Variants in RPS13 observed in about 807,000 individuals in gnomAD.
The protein encoded by RPS13 is ribosomal protein S13.
A neutral mutation model predicts 24.6 loss-of-function variants in RPS13; 1 was observed. The ratio of observed to expected loss-of-function variants is 0.04; its 90% CI spans 0.01 to 0.19. RPS13 has a LOEUF of 0.19. Among genes scored for constraint, RPS13 ranks in the 10% least tolerant of loss-of-function variants. RPS13 has a pLI of 1.00. For synonymous variants in RPS13, 69 were observed against 65.3 expected, an observed-to-expected ratio of 1.06 and a Z score of -0.27; for missense variants, 88 against 187.4, an observed-to-expected ratio of 0.47 and a Z score of 3.10.
intron 4 of RPS13, 44 bp downstream of exon 4, chr11:17,075,410 T>C: frequency 6.9e-7 from 1 of 1,451,568 alleles, no homozygotes; most frequent in Admixed American, 2.3e-5. Context: ...AAAAATTTAG[T>C]ACAAGCAGTC....
chr11:17,076,803 C>G (rs894453380), intron 3 of RPS13: 21 of 354,760 alleles, frequency 5.9e-5, no homozygotes, highest in African/African-American at 4.4e-4. Flanking sequence ...AAGCCACTTG[C>G]ACGAAGTCAC....
rs772105634 is a variant in RPS13 at position 17,074,481 on chromosome 11, A to G, written c.423-15T>C. The G allele has an allele frequency of 1.1e-5, 17 of 1,606,418 alleles. No individual in the cohort carries two copies. Among genetic ancestry groups the G allele is most frequent in the Middle Eastern group, 1.7e-4 (1 of 6,046 alleles). On this transcript the variant is annotated splice_polypyrimidine_tract_variant and intron_variant, in intron 5 of 5. Transcript: ENST00000525634. ...TAGATGATTCACTGAAAAAGAAAAA[A>G]GGGGAAAGAAAGAAAATCAGGATTA... is the stretch of plus-strand genomic sequence containing the variant.
At chr11:17,077,087 T>C in intron 3 of RPS13, 81 bp downstream of exon 3, 2 of 1,095,730 alleles carry the variant, frequency 1.8e-6, no homozygotes, top group Non-Finnish European at 2.8e-6. Flanking sequence ...TGGCTATTTT[T>C]AAAATAACTT....
At chr11:17,075,800 G>GT in intron 3 of RPS13, 177 bp from the exon 4 acceptor site, 1 of 693,528 alleles carries the variant, frequency 1.4e-6, no homozygotes, top group Non-Finnish European at 2.6e-6. Flanking sequence ...TCCAAGGAAG[G>GT]TTTACCCAAC....
At chr11:17,074,609 T>G (rs1410225929) in intron 5 of RPS13, 143 bp from the exon 6 acceptor site, 9 of 726,914 alleles carry the variant, frequency 1.2e-5, no homozygotes, top group East Asian at 5.4e-5. Flanking sequence ...AACTTCTGAA[T>G]ACCTGAACCA....
chr11:17,076,987 T>C lies in RPS13; in HGVS notation c.151+181A>G, dbSNP rs959943467. On this transcript the variant is annotated intron_variant, in intron 3 of 5. Coordinates refer to ENST00000525634, the MANE Select transcript of RPS13 (RefSeq NM_001017.3). ...CTGGGGTGAAAGCCATGAAGATTTATTTCAAAGTATTGTGGTCAGAATTAA... is the reference window on the plus strand; with the variant it reads ...CTGGGGTGAAAGCCATGAAGATTTACTTCAAAGTATTGTGGTCAGAATTAA... 4 of 600,680 alleles carry C rather than the reference T, an allele frequency of 6.7e-6. No homozygotes were observed. The African/African-American group carries it at 7.4e-5, about 11-fold the overall frequency. The allele number at this position is 600,680 out of a possible 1,614,324, so 37.2% of individuals were successfully genotyped here. A position where few individuals can be genotyped will look rare whatever the true frequency, so the allele number is the denominator to read the frequency against.
At chr11:17,075,760 G>T in intron 3 of RPS13, 137 bp from the exon 4 acceptor site, 1 of 730,956 alleles carries the variant, frequency 1.4e-6, no homozygotes, top group Non-Finnish European at 2.4e-6. Flanking sequence ...AGAAACCAAC[G>T]TGAGAATGCA....
rs1252470037 is a variant in RPS13, at chr11:17,075,136, T to A, written c.383A>T (p.Tyr128Phe). 1.2e-6 allele frequency: 2 copies of A among 1,611,848 alleles called. No individual in the cohort carries two copies. The highest frequency in any genetic ancestry group is 8.5e-7 in the Non-Finnish European group (1 of 1,179,378). The change falls in exon 5 of 6, where the codon TAT (tyrosine) becomes TTT (phenylalanine). Residue 128 changes from tyrosine (Y) to phenylalanine (F), a missense_variant. By Grantham distance (22) the Tyr-to-Phe change is conservative. Transcript: ENST00000525634. ...AGGGAGGACTCGCTTGGTCTTATAA[T>A]ATCGAGCCAAACGGTGAATCCGGCT... ...IESRIHRLAR[Y>F]YKTKRVLPPN...
At position 17,074,469 on chromosome 11, in the gene RPS13, GAAAAAGA is replaced by G. The variant is rs748816109; in HGVS notation, c.423-10_423-4del. 5.0e-6 allele frequency: 8 copies of G among 1,606,760 alleles called. No individual in the cohort carries two copies. The Admixed American group carries it at 1.4e-4, about 27-fold the overall frequency. On this transcript the variant is annotated splice_region_variant and splice_polypyrimidine_tract_variant and intron_variant, in intron 5 of 5. Coordinates refer to ENST00000525634, the MANE Select transcript of RPS13 (RefSeq NM_001017.3). ...GGGCAGAGGCTGTAGATGATTCACT[GAAAAAGA>G]AAAAAGGGGAAAGAAAGAAAATCAG...
intron 3 of RPS13, 199 bp from the exon 4 acceptor site, chr11:17,075,822 C>A: frequency 1.5e-6 from 1 of 675,920 alleles, no homozygotes; most frequent in Non-Finnish European, 2.7e-6. Context: ...CTAAGGAAAA[C>A]CTTTCTGGTG....
At position 17,075,083 on chromosome 11, in the gene RPS13, G is replaced by T; in HGVS notation, c.422+14C>A. The T allele has an allele frequency of 6.5e-7, 1 of 1,546,914 alleles. No individual in the cohort carries two copies. On this transcript the variant is annotated intron_variant, in intron 5 of 5. Coordinates refer to ENST00000525634, the MANE Select transcript of RPS13 (RefSeq NM_001017.3). ...CCTATTCTTGATAACAACGACAAAA[G>T]AGTTGATACTTACTATTTCCAATTG...
At chr11:17,075,906 A>G in intron 3 of RPS13, 1 of 536,422 alleles carries the variant, frequency 1.9e-6, no homozygotes, top group East Asian at 4.3e-5. Flanking sequence ...GATTAATGAG[A>G]TTCCACAGCT....
intron 5 of RPS13, chr11:17,074,782 A>C: frequency 1.5e-6 from 1 of 662,316 alleles, no homozygotes; most frequent in South Asian, 1.5e-5. Context: ...TCCTGGGAGT[A>C]GAGGTATGAA....
Position 17,077,442 on chromosome 11 carries a change from C to A in RPS13, c.59G>T (p.Arg20Leu). 6.2e-7 allele frequency: 1 copy of A among 1,610,640 alleles called. No homozygotes were observed. The highest frequency in any genetic ancestry group is 8.5e-7 in the Non-Finnish European group (1 of 1,178,662). Residue 20 changes from arginine (R) to leucine (L), a missense_variant, in exon 2 of 6, where the codon CGC becomes CTC. By Grantham distance (102) the Arg-to-Leu change is moderately radical. Coordinates refer to ENST00000525634, the MANE Select transcript of RPS13 (RefSeq NM_001017.3). ...CGCGCTACTTACAGTGGGGACGCTGCGTCGATAGGGTAAAGCCGACTGGGA... is the reference window on the plus strand; with the variant it reads ...CGCGCTACTTACAGTGGGGACGCTGAGTCGATAGGGTAAAGCCGACTGGGA... ...GLSQSALPYR[R>L]SVPTWLKLTS...
At chr11:17,075,418 G>A (rs750719769) in intron 4 of RPS13, 36 bp downstream of exon 4, 11 of 1,493,352 alleles carry the variant, frequency 7.4e-6, no homozygotes, top group Non-Finnish European at 9.9e-6. Context: ...AGTACAAGCA[G>A]TCCTACTTAG....
chr11:17,074,919 A>G (rs1848003494), intron 5 of RPS13, among the ~76,000 whole-genome samples, 178 bp downstream of exon 5: 1 of 152,144 alleles, frequency 6.6e-6, no homozygotes, highest in African/African-American at 2.4e-5. Context: ...TCGATTATGT[A>G]TTGCCTGTGG....
intron 3 of RPS13, chr11:17,076,904 G>A (rs529774943): frequency 1.9e-6 from 1 of 521,758 alleles, no homozygotes; most frequent in African/African-American, 1.9e-5. Context: ...TGACAGCTGT[G>A]TGATTTGGGG....
intron 3 of RPS13, 133 bp downstream of exon 3, chr11:17,077,035 G>A (rs1565226644): frequency 4.4e-6 from 3 of 687,416 alleles, no homozygotes; most frequent in Non-Finnish European, 7.9e-6. Context: ...CATGTGAAGT[G>A]CTTACAATGA....
rs778376279 is a variant in RPS13 at position 17,077,463 on chromosome 11, T to A, written c.38A>T (p.Gln13Leu). 6.2e-7 allele frequency: 1 copy of A among 1,613,526 alleles called. No individual in the cohort carries two copies. The highest frequency in any genetic ancestry group is 8.5e-7 in the Non-Finnish European group (1 of 1,179,844). ...GCTGCGTCGATAGGGTAAAGCCGAC[T>A]GGGACAGGCCCTTCCTGGGGAGAGA... ...RMHAPGKGLS[Q>L]SALPYRRSVP... Residue 13 changes from glutamine (Q) to leucine (L), a missense_variant, in exon 2 of 6, where the codon CAG becomes CTG. Coordinates refer to ENST00000525634, the MANE Select transcript of RPS13 (RefSeq NM_001017.3).
Sources: gnomAD v4.1 joint callset for allele counts (sites outside exome capture counted in the v4.1 genomes callset) on GRCh38, gnomAD v4.1.1 for gene constraint, MANE v1.5 for transcripts, NCBI Gene and HGNC (gene_info 2026-07-23, HGNC 2026-07-21) for gene names.